BCL2L11: variants seen among roughly 807,000 people sequenced by gnomAD.
BCL2L11 encodes the protein bcl-2-like protein 11.
BCL2L11 carries 15 observed loss-of-function variants against 20.6 expected under a neutral mutation model. The ratio of observed to expected loss-of-function variants is 0.73; its 90% CI spans 0.49 to 1.12. BCL2L11 has a LOEUF of 1.12. Among genes scored for constraint, BCL2L11 ranks in the 50% most tolerant of loss-of-function variants. BCL2L11 has a pLI of 0.00. For synonymous variants in BCL2L11, 108 were observed against 92.8 expected (o/e 1.16, Z -0.94); for missense variants, 292 against 260.9 (o/e 1.12, Z -0.82).
At chr2:111,125,854 C>A (rs2072465451) in intron 2 of BCL2L11, among the ~76,000 whole-genome samples, 1 of 152,148 alleles carries the variant, frequency 6.6e-6, no homozygotes, top group Admixed American at 6.5e-5. Flanking sequence ...CTCATTTCAG[C>A]CTTAGAAGTT....
At chr2:111,147,877 G>A (rs2076769905) in intron 2 of BCL2L11, among the ~76,000 whole-genome samples, 1 of 152,228 alleles carries the variant, frequency 6.6e-6, no homozygotes, top group Non-Finnish European at 1.5e-5. Context: ...TTGAAATCAA[G>A]TGGTTAATCT....
chr2:111,151,945 A>G, intron 3 of BCL2L11: 1 of 1,417,948 alleles, frequency 7.1e-7, no homozygotes, highest in South Asian at 1.2e-5. Flanking sequence ...TGAAGTAACC[A>G]TTCCCTCCAG....
At chr2:111,123,295 C>G (rs2071639936) in intron 1 of BCL2L11, 2 of 985,510 alleles carry the variant, frequency 2.0e-6, no homozygotes, top group Middle Eastern at 5.2e-4. Flanking sequence ...ACAATGGGGC[C>G]GGAGCAGGGA....
intron 2 of BCL2L11, among the ~76,000 whole-genome samples, chr2:111,124,593 A>G (rs897774185): frequency 3.3e-5 from 5 of 152,198 alleles, no homozygotes; most frequent in African/African-American, 1.2e-4. Context: ...CATGGCCCAC[A>G]TCAACATTTT....
chr2:111,122,768 T>A (rs754968293), intron 1 of BCL2L11: 346 of 985,112 alleles, frequency 3.5e-4, no homozygotes, highest in Non-Finnish European at 4.1e-4. Context: ...GGCTTTGCGC[T>A]GCGCCGGGGA....
intron 3 of BCL2L11, chr2:111,161,518 G>A (rs893969581): frequency 6.5e-7 from 1 of 1,549,268 alleles, no homozygotes; most frequent in Non-Finnish European, 8.7e-7. Context: ...CAGGAAGACG[G>A]TCAAGGCATG....
chr2:111,129,818 A>G (rs1333690740), intron 2 of BCL2L11, among the ~76,000 whole-genome samples: 1 of 152,200 alleles, frequency 6.6e-6, no homozygotes, highest in African/African-American at 2.4e-5. Flanking sequence ...TGATCTACAT[A>G]TCTGTACTTT....
intron 3 of BCL2L11, among the ~76,000 whole-genome samples, chr2:111,157,252 G>GT (rs200700895): frequency 0.012 from 1,836 of 152,116 alleles, 38 homozygotes; most frequent in African/African-American, 0.042. Flanking sequence ...TCTAACTGGG[G>GT]TTTTTTTTAA....
At chr2:111,129,065 A>C (rs1189945036) in intron 2 of BCL2L11, among the ~76,000 whole-genome samples, 1 of 152,248 alleles carries the variant, frequency 6.6e-6, no homozygotes, top group East Asian at 1.9e-4. Context: ...GGAGAATGGA[A>C]GTGATTAGCA....
Position 111,121,010 on chromosome 2 carries a change from G to A in BCL2L11, c.-192G>A, listed in dbSNP as rs1574828469. 3 of 394,214 alleles carry A rather than the reference G, an allele frequency of 7.6e-6. No homozygotes were observed. The highest frequency in any genetic ancestry group is 1.3e-5 in the Non-Finnish European group (3 of 223,868). 24.4% of individuals were successfully genotyped at this position (394,214 alleles called of 1,614,324 possible). A position where few individuals can be genotyped will look rare whatever the true frequency, so the allele number is the denominator to read the frequency against. Reference sequence around the variant, plus strand: ...CGCCGCCGCCGCCGCCGCCGCCGCCGCCGCCGCCGCCACTACCACCACTTG... The same window carrying A: ...CGCCGCCGCCGCCGCCGCCGCCGCCACCGCCGCCGCCACTACCACCACTTG... On this transcript the variant is annotated 5_prime_UTR_variant, in exon 1 of 4. Coordinates refer to ENST00000393256, the MANE Select transcript of BCL2L11 (RefSeq NM_138621.5).
At chr2:111,164,088 C>A in intron 3 of BCL2L11, 45 bp from the exon 4 acceptor site, 2 of 1,131,634 alleles carry the variant, frequency 1.8e-6, no homozygotes, top group Admixed American at 1.7e-5. Context: ...CCTCCCCACC[C>A]CCAAATTAGG....
At chr2:111,158,309 C>T in intron 3 of BCL2L11, among the ~76,000 whole-genome samples, 1 of 152,112 alleles carries the variant, frequency 6.6e-6, no homozygotes, top group East Asian at 1.9e-4. Context: ...GGGGGTGACT[C>T]CTAGTTCCAT....
In BCL2L11 at chr2:111,166,501, G is replaced by A. The variant is rs550454057; in HGVS notation, c.*2270G>A. 6.5e-6 allele frequency: 1 copy of A among 152,816 alleles called. No individual in the cohort carries two copies. The highest frequency in any genetic ancestry group is 6.5e-5 in the Admixed American group (1 of 15,312). 9.5% of individuals were successfully genotyped at this position (152,816 alleles called of 1,614,324 possible). ...GGATGTCTCTGTACTGTATGTATCT[G>A]GTTATCAAGATGCCTCTGTGCAGAA... is the stretch of plus-strand genomic sequence containing the variant. On this transcript the variant is annotated 3_prime_UTR_variant, in exon 4 of 4. Coordinates refer to ENST00000393256, the MANE Select transcript of BCL2L11 (RefSeq NM_138621.5).
Position 111,164,124 on chromosome 2 carries a change from T to G in BCL2L11, c.499-9T>G. 1 of 1,547,508 alleles carries G rather than the reference T, an allele frequency of 6.5e-7. No individual in the cohort carries two copies. Among genetic ancestry groups the G allele is most frequent in the Non-Finnish European group, 8.9e-7 (1 of 1,120,088 alleles). ...GAGAAACTAAGAAGCTTTCCTTTTG[T>G]TGTTTCAGGTATTTTTGAATAATTA... On this transcript the variant is annotated splice_polypyrimidine_tract_variant and intron_variant, in intron 3 of 3. Coordinates refer to ENST00000393256, the MANE Select transcript of BCL2L11 (RefSeq NM_138621.5).
intron 3 of BCL2L11, among the ~76,000 whole-genome samples, chr2:111,152,327 T>A (rs1251859433): frequency 6.6e-6 from 1 of 152,250 alleles, no homozygotes; most frequent in Non-Finnish European, 1.5e-5. Context: ...AGGCCTTGCC[T>A]GGTGCCCACA....
intron 3 of BCL2L11, among the ~76,000 whole-genome samples, chr2:111,161,201 G>A (rs2078506973): frequency 6.6e-6 from 1 of 152,186 alleles, no homozygotes; most frequent in African/African-American, 2.4e-5. Context: ...GGTCCGGGGG[G>A]TTAGGACTGC....
chr2:111,161,332 A>G (rs1023260271), intron 3 of BCL2L11: 1 of 1,479,020 alleles, frequency 6.8e-7, no homozygotes, highest in Admixed American at 2.0e-5. Flanking sequence ...TTTTTTAAAA[A>G]ACGCTTGTAA....
At chr2:111,153,754 G>T (rs972024153) in intron 3 of BCL2L11, 1 of 1,552,126 alleles carries the variant, frequency 6.4e-7, no homozygotes, top group Non-Finnish European at 8.7e-7. Context: ...TGCAAAGCCT[G>T]ACAGGATATT....
intron 2 of BCL2L11, among the ~76,000 whole-genome samples, chr2:111,136,273 G>A (rs1041784306): frequency 2.6e-5 from 4 of 152,184 alleles, no homozygotes; most frequent in Non-Finnish European, 5.9e-5. Flanking sequence ...AGGATACATG[G>A]GAGTGAGGAA....
Sources: allele counts gnomAD v4.1 joint callset (sites outside exome capture counted in the v4.1 genomes callset), GRCh38; gene constraint gnomAD v4.1.1; transcripts MANE v1.5; gene names NCBI Gene and HGNC (gene_info 2026-07-23, HGNC 2026-07-21).